Variants in GAS6 observed in about 807,000 individuals in gnomAD.
GAS6 encodes the protein growth arrest-specific protein 6.
GAS6 carries 41 observed loss-of-function variants against 75.8 expected under a neutral mutation model. That is an observed-to-expected ratio of 0.54 (90% confidence interval 0.42 to 0.70). The LOEUF (loss-of-function observed/expected upper bound fraction) is 0.70. Among genes scored for constraint, GAS6 ranks in the 30% least tolerant of loss-of-function variants. The pLI, the probability that GAS6 is intolerant of heterozygous loss-of-function variation, is 0.00. For synonymous variants in GAS6, 432 were observed against 412.6 expected (o/e 1.05, Z -0.57); for missense variants, 854 against 940.2 (o/e 0.91, Z 1.20).
At chr13:113,858,658 CAT>C (rs10534675) in intron 2 of GAS6, among the ~76,000 whole-genome samples, 27,630 of 120,388 alleles carry the variant, frequency 0.23, 2,992 homozygotes, top group South Asian at 0.45. Flanking sequence ...TGTATGTGTA[CAT>C]GTCTGTGTGT....
At position 113,835,530 on chromosome 13, in the gene GAS6, T is replaced by A. The variant is rs777199320; in HGVS notation, c.695A>T (p.Gln232Leu). The A allele has an allele frequency of 3.1e-6, 5 of 1,612,526 alleles. No individual in the cohort carries two copies. Among genetic ancestry groups the A allele is most frequent in the African/African-American group, 1.3e-5 (1 of 75,038 alleles). Reference sequence around the variant, plus strand: ...GTGGGTACCTCGGCAAGCCTTCTCCTGGGAGCTGTACGCAAAGCCCTCGTC... The same window carrying A: ...GTGGGTACCTCGGCAAGCCTTCTCCAGGGAGCTGTACGCAAAGCCCTCGTC... ...LCDEGFAYSS[Q>L]EKACRDVDEC... is the part of the protein sequence containing the mutation. The change falls in exon 7 of 15, where the codon CAG (glutamine) becomes CTG (leucine). Residue 232 changes from glutamine to leucine, a missense_variant. Coordinates refer to ENST00000327773, the MANE Select transcript of GAS6 (RefSeq NM_000820.4).
In GAS6 at chr13:113,845,033, C is replaced by T. The variant is rs111365238; in HGVS notation, c.343+1494G>A. The T allele has an allele frequency of 0.088, 12,989 of 147,706 alleles. 1,362 individuals carry two copies. Among genetic ancestry groups the T allele is most frequent in the African/African-American group, 0.18 (6,899 of 38,224 alleles). The allele number at this position is 147,706 out of a possible 1,614,324, so 9.1% of individuals were successfully genotyped here. ...GTTTAGCAATCACTAAGATAAAACA[C>T]GCGTGACAGGATCTGCTTGTCTCCT... On this transcript the variant is annotated intron_variant, in intron 4 of 14. Transcript: ENST00000327773. The surrounding 1 kb of genome is among the most constrained non-coding windows in gnomAD (Gnocchi z 4.3).
chr13:113,825,030 C>T lies in GAS6; in HGVS notation c.1478-1480G>A, dbSNP rs149646298. Among the ~76,000 whole-genome samples the T allele has an allele frequency of 3.6e-4, 54 of 151,996 alleles. No individual in the cohort carries two copies. In the South Asian group the frequency reaches 4.0e-3, roughly 11 times the overall value. ...GGTCGGGAGTTCGAGACCAACCTGA[C>T]CAACATGGAGAAACCCCATCTCTAC... is the stretch of plus-strand genomic sequence containing the variant. On this transcript the variant is annotated intron_variant, in intron 12 of 14. Coordinates refer to ENST00000327773, the MANE Select transcript of GAS6 (RefSeq NM_000820.4).
chr13:113,831,486 G>A (rs995905463), intron 10 of GAS6, among the ~76,000 whole-genome samples: 1 of 152,150 alleles, frequency 6.6e-6, no homozygotes, highest in African/African-American at 2.4e-5. Flanking sequence ...GGCACCCTGC[G>A]TGTAGCGTCA....
intron 11 of GAS6, among the ~76,000 whole-genome samples, chr13:113,827,997 C>T (rs532386696): frequency 6.6e-5 from 10 of 152,290 alleles, no homozygotes; most frequent in South Asian, 2.1e-4. Flanking sequence ...TAATTTCGGC[C>T]GGGCGCGGTG....
intron 2 of GAS6, among the ~76,000 whole-genome samples, chr13:113,850,243 T>C (rs1594207167): frequency 6.6e-6 from 1 of 152,230 alleles, no homozygotes; most frequent in East Asian, 1.9e-4. Flanking sequence ...TTCAGGTCCA[T>C]AAACCTTGGC....
At chr13:113,859,951 G>A (rs988454649) in intron 2 of GAS6, among the ~76,000 whole-genome samples, 1 of 152,196 alleles carries the variant, frequency 6.6e-6, no homozygotes, top group Non-Finnish European at 1.5e-5. Flanking sequence ...GGGACTCAGA[G>A]GGGTTTTCAT....
intron 12 of GAS6, 67 bp from the exon 13 acceptor site, chr13:113,823,617 G>C: frequency 6.8e-7 from 1 of 1,474,134 alleles, no homozygotes; most frequent in South Asian, 1.3e-5. Flanking sequence ...GGTCGGAGCA[G>C]GGCCTCGAGA....
rs774191252 is a variant in GAS6 at position 113,839,740 on chromosome 13, G to C, written c.454C>G (p.Leu152Val). 1 of 1,613,872 alleles carries C rather than the reference G, an allele frequency of 6.2e-7. No homozygotes were observed. Among genetic ancestry groups the C allele is most frequent in the East Asian group, 2.2e-5 (1 of 44,870 alleles). The change falls in exon 5 of 15, where the codon CTC (leucine) becomes GTC (valine). Residue 152 changes from leucine (L) to valine (V), a missense_variant. Transcript: ENST00000327773. ...CAGCCTCACGTACCTTTGTCGCAGAGCCGGCCCCCCCAGCCAGCTTTACAC... is the reference window on the plus strand; with the variant it reads ...CAGCCTCACGTACCTTTGTCGCAGACCCGGCCCCCCCAGCCAGCTTTACAC... ...CLCKAGWGGR[L>V]CDKDVNECSQ...
At chr13:113,839,695 G>A in intron 5 of GAS6, 33 bp downstream of exon 5, 1 of 1,609,428 alleles carries the variant, frequency 6.2e-7, no homozygotes, top group South Asian at 1.1e-5. Flanking sequence ...GGAGATGGAG[G>A]GAGACCCCGC....
chr13:113,859,330 G>A (rs1186675836), intron 2 of GAS6, among the ~76,000 whole-genome samples: 1 of 142,708 alleles, frequency 7.0e-6, no homozygotes, highest in Non-Finnish European at 1.5e-5. Flanking sequence ...GTGTGTGCAT[G>A]TCATTATGCA....
intron 14 of GAS6, 137 bp downstream of exon 14, chr13:113,821,821 C>T: frequency 1.3e-5 from 9 of 679,036 alleles, no homozygotes; most frequent in Middle Eastern, 4.2e-4. Flanking sequence ...ACCTGGACTT[C>T]TCCTTCCTCT....
Position 113,837,827 on chromosome 13 carries a change from C to A in GAS6, c.589+242G>T, listed in dbSNP as rs1401291484. ...GGCCCTACAGCCAGCAGTGTGGCCT[C>A]ATGGGCTGGGCCGGCCCCCTGAGTC... On this transcript the variant is annotated intron_variant, in intron 6 of 14. Coordinates refer to ENST00000327773, the MANE Select transcript of GAS6 (RefSeq NM_000820.4). This position sits in a 1 kb window ranked among gnomAD's most constrained non-coding sequence, Gnocchi z 5.1. Among the ~76,000 whole-genome samples the A allele has an allele frequency of 1.3e-5, 2 of 152,174 alleles. No homozygotes were observed. Among genetic ancestry groups the A allele is most frequent in the African/African-American group, 4.8e-5 (2 of 41,444 alleles).
chr13:113,843,012 C>T (rs1338895209), intron 4 of GAS6: 2 of 394,736 alleles, frequency 5.1e-6, no homozygotes, highest in Non-Finnish European at 4.4e-6. Context: ...TGTATTGATA[C>T]CTCTAGGATG....
intron 14 of GAS6, chr13:113,821,447 G>C (rs1052735443): frequency 3.0e-5 from 7 of 233,706 alleles, no homozygotes; most frequent in African/African-American, 1.5e-4. Context: ...CCGAGGACTT[G>C]CCGGCTCCCA....
chr13:113,854,448 G>T (rs940002651), intron 2 of GAS6, among the ~76,000 whole-genome samples: 2 of 152,232 alleles, frequency 1.3e-5, no homozygotes, highest in Admixed American at 1.3e-4. Context: ...CCCCCTGCAT[G>T]GAAGTCATGC....
At position 113,858,633 on chromosome 13, in the gene GAS6, CTGTG is replaced by C. The variant is rs1014657602; in HGVS notation, c.255+4938_255+4941del. Among the ~76,000 whole-genome samples, 22 of 127,158 alleles carry C rather than the reference CTGTG, an allele frequency of 1.7e-4. 1 individual carries two copies. The highest frequency in any genetic ancestry group is 4.7e-4 in the African/African-American group (13 of 27,682). 83.4% of individuals were successfully genotyped at this position (127,158 alleles called of 152,430 possible). A position where few individuals can be genotyped will look rare whatever the true frequency, so the allele number is the denominator to read the frequency against. On this transcript the variant is annotated intron_variant, in intron 2 of 14. Transcript: ENST00000327773. The stretch of plus-strand genomic sequence containing the variant: ...TCTGTGTGTGCCTATGTATGCATGT[CTGTG>C]TGTTTGTGACTGTATGTGTACATGT...
chr13:113,831,347 G>A (rs765091636), intron 10 of GAS6, among the ~76,000 whole-genome samples: 2 of 152,156 alleles, frequency 1.3e-5, no homozygotes, highest in African/African-American at 4.8e-5. Context: ...CTCAGGGACC[G>A]CAGCGTCCAC....
chr13:113,824,802 A>ATTT, intron 12 of GAS6, among the ~76,000 whole-genome samples: 1 of 152,204 alleles, frequency 6.6e-6, no homozygotes, highest in Admixed American at 6.5e-5. Context: ...ATGGCACCGA[A>ATTT]ACACACAAAA....
Sources: gnomAD v4.1 joint callset for allele counts (sites outside exome capture counted in the v4.1 genomes callset) on GRCh38, gnomAD v4.1.1 for gene constraint, Gnocchi (gnomAD v3.1) non-coding constraint, MANE v1.5 for transcripts, NCBI Gene and HGNC (gene_info 2026-07-23, HGNC 2026-07-21) for gene names.